Variants in SEPTIN9 observed in about 807,000 individuals in gnomAD.
SEPTIN9 encodes the protein septin 9.
Under a neutral mutation model 56.6 loss-of-function variants are expected in SEPTIN9, and 13 were observed. The ratio of observed to expected loss-of-function variants is 0.23; its 90% CI spans 0.15 to 0.37. SEPTIN9 has a LOEUF of 0.37. Among genes scored for constraint, SEPTIN9 ranks in the 10% least tolerant of loss-of-function variants. The pLI, the probability that SEPTIN9 is intolerant of heterozygous loss-of-function variation, is 1.00. For synonymous variants in SEPTIN9, 332 were observed against 334.1 expected (o/e 0.99, Z 0.07); for missense variants, 650 against 823.1 (o/e 0.79, Z 2.57).
chr17:77,319,672 C>T lies in SEPTIN9; in HGVS notation c.76+12475C>T, dbSNP rs2032833391. ...GGTACAGGGTGAAGAAGGGCTGGGG[C>T]CAGCCCAGGACAGAGGAAGGCGAGG... On this transcript the variant is annotated intron_variant, in intron 2 of 11. Transcript: ENST00000427177. This position sits in a 1 kb window ranked among gnomAD's most constrained non-coding sequence, Gnocchi z 5.3. 6 of 1,063,930 alleles carry T rather than the reference C, an allele frequency of 5.6e-6. No homozygotes were observed. Among genetic ancestry groups the T allele is most frequent in the Non-Finnish European group, 6.8e-6 (6 of 878,448 alleles). The allele number at this position is 1,063,930 out of a possible 1,614,324, so 65.9% of individuals were successfully genotyped here. A position where few individuals can be genotyped will look rare whatever the true frequency, so the allele number is the denominator to read the frequency against.
chr17:77,466,681 G>A (rs1281860777), intron 3 of SEPTIN9: 1 of 600,686 alleles, frequency 1.7e-6, no homozygotes, highest in Non-Finnish European at 2.1e-6. Context: ...GACCCTGGGG[G>A]CTCCCTCATT....
At chr17:77,415,009 A>G (rs1387772851) in intron 3 of SEPTIN9, among the ~76,000 whole-genome samples, 2 of 152,082 alleles carry the variant, frequency 1.3e-5, no homozygotes, top group African/African-American at 4.8e-5. Context: ...ATATTCCACC[A>G]TGGCATGGAC....
chr17:77,377,280 C>A (rs35971812), intron 2 of SEPTIN9: 54,420 of 151,954 alleles, frequency 0.36, 11,084 homozygotes, highest in Non-Finnish European at 0.47. Context: ...AGAGGGATGA[C>A]CCTTTCCTCT....
At chr17:77,432,569 C>T (rs2037184909) in intron 3 of SEPTIN9, among the ~76,000 whole-genome samples, 1 of 152,236 alleles carries the variant, frequency 6.6e-6, no homozygotes, top group Non-Finnish European at 1.5e-5. Flanking sequence ...TCCACCAGCC[C>T]CTCCTCAGGC....
chr17:77,444,480 G>A (rs116679444), intron 3 of SEPTIN9, among the ~76,000 whole-genome samples: 1 of 151,962 alleles, frequency 6.6e-6, no homozygotes, highest in Admixed American at 6.6e-5. Context: ...GGTCGGGGAG[G>A]GGGGTGTGGA....
intron 3 of SEPTIN9, among the ~76,000 whole-genome samples, chr17:77,461,058 A>G (rs2038450446): frequency 6.6e-6 from 1 of 152,144 alleles, no homozygotes; most frequent in Non-Finnish European, 1.5e-5. Flanking sequence ...TAATCCCAGC[A>G]CTTTGGGAGG....
intron 1 of SEPTIN9, among the ~76,000 whole-genome samples, chr17:77,293,147 G>T (rs910607899): frequency 3.9e-5 from 6 of 151,918 alleles, no homozygotes; most frequent in African/African-American, 1.2e-4. Flanking sequence ...CTCCCAAGTA[G>T]CTCGGACTAT....
chr17:77,463,572 G>T (rs540666871), intron 3 of SEPTIN9, among the ~76,000 whole-genome samples: 1 of 152,186 alleles, frequency 6.6e-6, no homozygotes, highest in East Asian at 1.9e-4. Context: ...GCTGGGTGTG[G>T]TGGCTCATGC....
At chr17:77,468,268 A>AC (rs1555674739) in intron 3 of SEPTIN9, among the ~76,000 whole-genome samples, 1 of 152,060 alleles carries the variant, frequency 6.6e-6, no homozygotes, top group Non-Finnish European at 1.5e-5. Context: ...CCATCTCAAA[A>AC]AAAACAAAAC....
At chr17:77,430,720 G>A (rs961334174) in intron 3 of SEPTIN9, among the ~76,000 whole-genome samples, 5 of 152,220 alleles carry the variant, frequency 3.3e-5, no homozygotes, top group African/African-American at 1.2e-4. Flanking sequence ...GCCGAGGGTG[G>A]TGGCTCACGC....
In SEPTIN9 at chr17:77,498,775, C is replaced by A; in HGVS notation, c.*117C>A. ...TTCTCCATTTGTCATCGTTCCCCAC[C>A]CCTTCGACATGCTGCCAGGAAACAA... On this transcript the variant is annotated 3_prime_UTR_variant, in exon 12 of 12. Coordinates refer to ENST00000427177, the MANE Select transcript of SEPTIN9 (RefSeq NM_001113491.2). 1 of 688,170 alleles carries A rather than the reference C, an allele frequency of 1.5e-6. No individual in the cohort carries two copies. The highest frequency in any genetic ancestry group is 2.6e-6 in the Non-Finnish European group (1 of 391,860). 42.6% of individuals were successfully genotyped at this position (688,170 alleles called of 1,614,324 possible).
intron 2 of SEPTIN9, among the ~76,000 whole-genome samples, chr17:77,342,767 G>GT (rs1400983216): frequency 6.6e-6 from 1 of 152,110 alleles, no homozygotes; most frequent in Non-Finnish European, 1.5e-5. Context: ...GAGCTCAGGA[G>GT]TTTGAGACCA....
chr17:77,375,525 C>T (rs541913240), intron 2 of SEPTIN9: 1 of 152,472 alleles, frequency 6.6e-6, no homozygotes, highest in Non-Finnish European at 1.5e-5. Flanking sequence ...GTAACTCCAC[C>T]CTTGCCCCCA....
At chr17:77,376,424 C>CT (rs1183924755) in intron 2 of SEPTIN9, 1 of 982,812 alleles carries the variant, frequency 1.0e-6, no homozygotes, top group African/African-American at 1.7e-5. Context: ...GGGGAGGAAA[C>CT]TGCCAGCTCC....
intron 3 of SEPTIN9, chr17:77,466,522 C>T (rs537773588): frequency 5.4e-4 from 535 of 985,356 alleles, no homozygotes; most frequent in Middle Eastern, 2.6e-3. Flanking sequence ...AAGGAAGAAG[C>T]GGGCATTTCT....
chr17:77,288,305 C>A, intron 1 of SEPTIN9: 1 of 761,970 alleles, frequency 1.3e-6, no homozygotes, highest in Non-Finnish European at 1.6e-6. Flanking sequence ...CTTTTCCCAG[C>A]GCTGCACCTG....
Position 77,451,624 on chromosome 17 carries a change from G to GC in SEPTIN9, c.722-30519dup, listed in dbSNP as rs2037974757. On this transcript the variant is annotated intron_variant, in intron 3 of 11. Transcript: ENST00000427177. The surrounding 1 kb of genome is among the most constrained non-coding windows in gnomAD (Gnocchi z 4.2). ...GAGGCGGACCCTGATGGCCATGGTG[G>GC]CGGTGCCGGGAGCCACGCTGTCCCT... 1 of 909,116 alleles carries GC rather than the reference G, an allele frequency of 1.1e-6. No individual in the cohort carries two copies. The highest frequency in any genetic ancestry group is 1.3e-6 in the Non-Finnish European group (1 of 760,270). 56.3% of individuals were successfully genotyped at this position (909,116 alleles called of 1,614,324 possible). A position where few individuals can be genotyped will look rare whatever the true frequency, so the allele number is the denominator to read the frequency against.
chr17:77,482,836 C>T (rs577502150), intron 4 of SEPTIN9: 5 of 471,200 alleles, frequency 1.1e-5, no homozygotes, highest in African/African-American at 7.7e-5. Context: ...CACGGGAGGT[C>T]GTCGATCAGC....
At chr17:77,464,972 T>C (rs1428942437) in intron 3 of SEPTIN9, among the ~76,000 whole-genome samples, 1 of 152,198 alleles carries the variant, frequency 6.6e-6, no homozygotes, top group East Asian at 1.9e-4. Context: ...AAAGAGACCC[T>C]GCCCCCATTA....
Sources: allele counts gnomAD v4.1 joint callset (sites outside exome capture counted in the v4.1 genomes callset), GRCh38; gene constraint gnomAD v4.1.1; non-coding constraint Gnocchi (gnomAD v3.1); transcripts MANE v1.5; gene names NCBI Gene and HGNC (gene_info 2026-07-23, HGNC 2026-07-21).